TUSC3: variants seen among roughly 807,000 people sequenced by gnomAD.
TUSC3 encodes dolichyl-diphosphooligosaccharide--protein glycosyltransferase subunit TUSC3.
In TUSC3, 45 loss-of-function variants were observed where a neutral mutation model predicts 44.8. The ratio of observed to expected loss-of-function variants is 1.00; its 90% CI spans 0.79 to 1.29. The LOEUF is 1.29. Among genes scored for constraint, TUSC3 ranks in the 50% most tolerant of loss-of-function variants. TUSC3 has a pLI of 0.00. For synonymous variants in TUSC3, 212 were observed against 152.9 expected (o/e 1.39, Z -2.85); for missense variants, 519 against 437.9 (o/e 1.19, Z -1.65).
chr8:15,652,686 A>T (rs560924488), intron 3 of TUSC3, among the ~76,000 whole-genome samples: 24 of 152,200 alleles, frequency 1.6e-4, no homozygotes, highest in Non-Finnish European at 2.9e-4. Context: ...TAAGTAATAG[A>T]TCTCTATAGA....
At chr8:15,713,581 C>G (rs1221017361) in intron 6 of TUSC3, among the ~76,000 whole-genome samples, 1 of 152,158 alleles carries the variant, frequency 6.6e-6, no homozygotes, top group African/African-American at 2.4e-5. Context: ...GAAGCCTACA[C>G]ACATCCGAGA....
chr8:15,717,390 G>C (rs1810098383), intron 6 of TUSC3, among the ~76,000 whole-genome samples: 1 of 152,064 alleles, frequency 6.6e-6, no homozygotes, highest in African/African-American at 2.4e-5. Context: ...GAGTAACGAA[G>C]AGACTGCTTT....
intron 1 of TUSC3, among the ~76,000 whole-genome samples, chr8:15,444,726 G>A (rs137871014): frequency 4.2e-3 from 643 of 152,072 alleles, no homozygotes; most frequent in Non-Finnish European, 7.2e-3. Flanking sequence ...CCCAAGTATC[G>A]GTTCTCTAAC....
At chr8:15,552,986 C>T (rs183779151) in intron 1 of TUSC3, among the ~76,000 whole-genome samples, 1 of 151,644 alleles carries the variant, frequency 6.6e-6, no homozygotes, top group Non-Finnish European at 1.5e-5. Flanking sequence ...CTAGACAGTA[C>T]TCGGTAATTG....
the TUSC3 span, among the ~76,000 whole-genome samples, chr8:15,827,451 T>C: frequency 1.3e-5 from 2 of 152,168 alleles, no homozygotes; most frequent in Non-Finnish European, 2.9e-5. Context: ...TCAGTTTACA[T>C]TGGGTTTTGC....
intron 3 of TUSC3, among the ~76,000 whole-genome samples, chr8:15,656,932 G>T (rs1266752346): frequency 6.6e-6 from 1 of 152,172 alleles, no homozygotes; most frequent in Non-Finnish European, 1.5e-5. Flanking sequence ...GTAGTGGGTT[G>T]AGCAACACTT....
At chr8:15,522,064 T>C (rs1801306747) in intron 2 of TUSC3, among the ~76,000 whole-genome samples, 1 of 152,210 alleles carries the variant, frequency 6.6e-6, no homozygotes, top group Non-Finnish European at 1.5e-5. Flanking sequence ...CTCAATGCTA[T>C]GGCAAGGCAT....
chr8:15,694,810 T>C (rs892939419), intron 6 of TUSC3, among the ~76,000 whole-genome samples: 3 of 152,140 alleles, frequency 2.0e-5, no homozygotes, highest in African/African-American at 7.2e-5. Context: ...GGTGAGTTGT[T>C]CCCAGATTGC....
chr8:15,799,467 C>G, the TUSC3 span, among the ~76,000 whole-genome samples: 1 of 152,178 alleles, frequency 6.6e-6, no homozygotes, highest in African/African-American at 2.4e-5. Context: ...GGAAGTTCCT[C>G]TGCCTGGAGG....
At chr8:15,824,280 A>T in the TUSC3 span, among the ~76,000 whole-genome samples, 1 of 152,330 alleles carries the variant, frequency 6.6e-6, no homozygotes, top group South Asian at 2.1e-4. Flanking sequence ...GGATACTTTC[A>T]ATGTCTATTT....
the TUSC3 span, among the ~76,000 whole-genome samples, chr8:15,837,177 G>A: frequency 8.6e-5 from 13 of 151,602 alleles, no homozygotes; most frequent in South Asian, 2.1e-4. Flanking sequence ...TAAATCAAAC[G>A]ATAATTTGAT....
intron 1 of TUSC3, among the ~76,000 whole-genome samples, chr8:15,600,891 A>G (rs1804259116): frequency 6.6e-6 from 1 of 151,664 alleles, no homozygotes; most frequent in East Asian, 1.9e-4. Context: ...GAAATGGTGA[A>G]CCCAAATTGC....
rs779400326 is a variant in TUSC3 at position 15,540,512 on chromosome 8, C to A, written c.82C>A (p.Leu28Ile). 1.2e-6 allele frequency: 2 copies of A among 1,608,354 alleles called. No individual in the cohort carries two copies. The highest frequency in any genetic ancestry group is 1.7e-6 in the Non-Finnish European group (2 of 1,177,884). ...CCTGCCCACCGGGAGCTTTCCCTTC[C>A]TTCTCCTGCTGCTGCTGCTCTGCAT... ...RYLPTGSFPF[L>I]LLLLLLCIQL... Residue 28 changes from leucine to isoleucine, a missense_variant, in exon 1 of 11, where the codon CTT (leucine) becomes ATT (isoleucine). Leu to Ile is a conservative substitution (Grantham distance 5). Coordinates refer to ENST00000503731, the MANE Select transcript of TUSC3 (RefSeq NM_006765.4).
chr8:15,504,218 G>C (rs948872294), intron 2 of TUSC3, among the ~76,000 whole-genome samples: 1 of 151,986 alleles, frequency 6.6e-6, no homozygotes, highest in African/African-American at 2.4e-5. Context: ...TGCCAGCTGA[G>C]TAATTTTGAG....
In TUSC3 at chr8:15,490,844, C is replaced by G. The variant is rs557799847; in HGVS notation, n.189+7361C>G. On this transcript the variant is annotated intron_variant and non_coding_transcript_variant, in intron 2 of 5. Transcript: ENST00000503191. ...TTGTGTTGTAAATCAAAGAAAATCA[C>G]TGAGGCAGGTCTAGTCATTCTTAGA... Among the ~76,000 whole-genome samples the G allele has an allele frequency of 3.9e-5, 6 of 152,294 alleles. No individual in the cohort carries two copies. In the East Asian group the frequency reaches 1.2e-3, roughly 29 times the overall value.
chr8:15,645,768 A>G lies in TUSC3; in HGVS notation c.309-4929A>G, dbSNP rs529471702. Among the ~76,000 whole-genome samples, 36 of 152,218 alleles carry G rather than the reference A, an allele frequency of 2.4e-4. No homozygotes were observed. The South Asian group carries it at 7.0e-3, about 30-fold the overall frequency. On this transcript the variant is annotated intron_variant, in intron 2 of 10. Coordinates refer to ENST00000503731, the MANE Select transcript of TUSC3 (RefSeq NM_006765.4). Reference sequence around the variant, plus strand: ...GAACACTATTCCTTTGACAAACAGCATATGTTTGTGATAGTACACAGATGT... The same window carrying G: ...GAACACTATTCCTTTGACAAACAGCGTATGTTTGTGATAGTACACAGATGT...
intron 6 of TUSC3, among the ~76,000 whole-genome samples, chr8:15,716,908 A>G (rs1810082568): frequency 6.6e-6 from 1 of 152,126 alleles, no homozygotes; most frequent in Non-Finnish European, 1.5e-5. Flanking sequence ...AGAAATTAAA[A>G]AAATAGAGAA....
intron 2 of TUSC3, among the ~76,000 whole-genome samples, chr8:15,633,399 C>G (rs994691319): frequency 6.6e-6 from 1 of 152,070 alleles, no homozygotes; most frequent in South Asian, 2.1e-4. Flanking sequence ...AATTTCTTAC[C>G]TCCTGTTATA....
At chr8:15,518,852 T>C (rs181826671) in intron 2 of TUSC3, among the ~76,000 whole-genome samples, 3 of 152,140 alleles carry the variant, frequency 2.0e-5, no homozygotes, top group Non-Finnish European at 4.4e-5. Context: ...AATATGAAAA[T>C]ATAATCCCAT....
Sources: gnomAD v4.1 joint callset for allele counts (sites outside exome capture counted in the v4.1 genomes callset) on GRCh38, gnomAD v4.1.1 for gene constraint, MANE v1.5 for transcripts, NCBI Gene and HGNC (gene_info 2026-07-23, HGNC 2026-07-21) for gene names.